The following MPHOSPH8 variants were observed in gnomAD, a reference collection of about 807,000 sequenced individuals.
The protein encoded by MPHOSPH8 is M-phase phosphoprotein, mpp.
Under a neutral mutation model 87.3 loss-of-function variants are expected in MPHOSPH8, and 45 were observed. The observed-to-expected ratio is 0.52, with a 90% confidence interval of 0.41 to 0.66. MPHOSPH8 has a LOEUF of 0.66. Among genes scored for constraint, MPHOSPH8 ranks in the 30% least tolerant of loss-of-function variants. The pLI, the probability that MPHOSPH8 is intolerant of heterozygous loss-of-function variation, is 0.00. For missense variants in MPHOSPH8, 883 were observed against 1,020.2 expected, an observed-to-expected ratio of 0.87 and a Z score of 1.83; for synonymous variants, 366 against 376.9, an observed-to-expected ratio of 0.97 and a Z score of 0.33.
chr13:19,635,316 C>T (rs757175786), intron 1 of MPHOSPH8, among the ~76,000 whole-genome samples: 24 of 152,074 alleles, frequency 1.6e-4, no homozygotes, highest in Non-Finnish European at 3.4e-4. Context: ...GTCAGGGGTT[C>T]GAGACCAGCC....
intron 4 of MPHOSPH8, among the ~76,000 whole-genome samples, chr13:19,649,048 T>G (rs1339724727): frequency 6.6e-6 from 1 of 152,220 alleles, no homozygotes; most frequent in Non-Finnish European, 1.5e-5. Flanking sequence ...GAAAGCTGTA[T>G]GTAACTGAAG....
chr13:19,651,458 C>T (rs923934105), intron 5 of MPHOSPH8, among the ~76,000 whole-genome samples: 1 of 150,596 alleles, frequency 6.6e-6, no homozygotes, highest in Non-Finnish European at 1.5e-5. Context: ...ACCTGGGAGG[C>T]GGAGGTTGCA....
chr13:19,660,370 C>CA (rs1875460360), intron 7 of MPHOSPH8, among the ~76,000 whole-genome samples: 1 of 152,092 alleles, frequency 6.6e-6, no homozygotes, highest in South Asian at 2.1e-4. Context: ...TTTAGGCAAT[C>CA]ATATCTGTTG....
rs142144561 is a variant in MPHOSPH8, at chr13:19,647,078, G to A, written c.1005G>A (p.Pro335=). ...GAGGCAGGAGGAAAAAGAAGACCCCGAGAAAGGCTGAGGACACTAGAGAGA... is the reference window on the plus strand; with the variant it reads ...GAGGCAGGAGGAAAAAGAAGACCCCAAGAAAGGCTGAGGACACTAGAGAGA... The part of the protein sequence containing the change: ...DVRGRRKKKT[P]RKAEDTRENR... The change falls in exon 3 of 14, where the codon CCG becomes CCA. Residue 335 remains proline, a synonymous_variant. Coordinates refer to ENST00000361479, the MANE Select transcript of MPHOSPH8 (RefSeq NM_017520.4). 1.7e-5 allele frequency: 27 copies of A among 1,607,722 alleles called. No homozygotes were observed. The highest frequency in any genetic ancestry group is 1.4e-4 in the Admixed American group (8 of 57,526).
chr13:19,648,560 A>G (rs1029072855), intron 4 of MPHOSPH8, 39 bp downstream of exon 4: 7 of 1,045,944 alleles, frequency 6.7e-6, no homozygotes, highest in Non-Finnish European at 9.2e-6. Context: ...TTACGTTGCT[A>G]TCTTTTATAC....
At position 19,647,334 on chromosome 13, in the gene MPHOSPH8, C is replaced by G. The variant is rs747939687; in HGVS notation, c.1218+43C>G. 2.7e-6 allele frequency: 4 copies of G among 1,478,752 alleles called. No individual in the cohort carries two copies. The Admixed American group carries it at 9.3e-5, about 34-fold the overall frequency. The allele number at this position is 1,478,752 out of a possible 1,614,324, so 91.6% of individuals were successfully genotyped here. On this transcript the variant is annotated intron_variant, in intron 3 of 13. Coordinates refer to ENST00000361479, the MANE Select transcript of MPHOSPH8 (RefSeq NM_017520.4). ...CAGCAGAAAACCCATGTTGAGTGGTCAAGACATTTCACAAGCAAGGAAAGG... is the reference window on the plus strand; with the variant it reads ...CAGCAGAAAACCCATGTTGAGTGGTGAAGACATTTCACAAGCAAGGAAAGG...
In MPHOSPH8 at chr13:19,668,429, G is replaced by C. The variant is rs1875937796; in HGVS notation, c.2227G>C (p.Ala743Pro). The part of the protein sequence containing the change: ...TIKDYFEARL[A>P]LLEPVFPIAC... ...AAAGGATTACTTTGAAGCTCGCCTT[G>C]CTCTGCTAGAACCAGTTTTTCCAAT... The change falls in exon 11 of 14, where the codon GCT (alanine) becomes CCT (proline). Residue 743 changes from alanine to proline, a missense_variant. Ala to Pro is a conservative substitution (Grantham distance 27, BLOSUM62 -1). Transcript: ENST00000361479. The C allele has an allele frequency of 6.2e-7, 1 of 1,614,070 alleles. No homozygotes were observed.
chr13:19,635,030 A>G (rs560525469), intron 1 of MPHOSPH8, among the ~76,000 whole-genome samples: 14 of 152,326 alleles, frequency 9.2e-5, no homozygotes, highest in African/African-American at 3.4e-4. Context: ...AATAGTGGAA[A>G]CTTTTCCTAT....
chr13:19,661,924 A>C, intron 8 of MPHOSPH8, 86 bp downstream of exon 8: 1 of 1,413,082 alleles, frequency 7.1e-7, no homozygotes, highest in Non-Finnish European at 9.4e-7. Context: ...AGTGAAATAT[A>C]GCAGTCACAT....
chr13:19,650,496 G>C, intron 5 of MPHOSPH8: 2 of 379,844 alleles, frequency 5.3e-6, no homozygotes, highest in Non-Finnish European at 9.2e-6. Flanking sequence ...GAAATTAAAA[G>C]ATTTCTGATT....
chr13:19,633,795 C>T lies in MPHOSPH8; in HGVS notation c.47C>T (p.Ser16Leu), dbSNP rs773464705. ...EGARVTAVPVSAADSTEELAE... is the reference protein window; with the variant it reads ...EGARVTAVPVLAADSTEELAE... ...GCAAGGGTGACCGCAGTCCCTGTGT[C>T]AGCTGCCGACAGCACTGAGGAGTTG... Residue 16 changes from serine to leucine, a missense_variant, in exon 1 of 14, where the codon TCA (serine) becomes TTA (leucine). Physicochemically the swap from Ser to Leu is moderately radical, Grantham distance 145. Around this residue, in one of 3 missense-constraint regions of MPHOSPH8, gnomAD observed 103 missense variants for 96.3 expected, o/e 1.07. Transcript: ENST00000361479. 1 of 1,608,026 alleles carries T rather than the reference C, an allele frequency of 6.2e-7. No homozygotes were observed. The highest frequency in any genetic ancestry group is 1.1e-5 in the South Asian group (1 of 89,588).
chr13:19,642,921 G>A (rs1208961338), intron 2 of MPHOSPH8, among the ~76,000 whole-genome samples: 1 of 152,176 alleles, frequency 6.6e-6, no homozygotes, highest in Non-Finnish European at 1.5e-5. Flanking sequence ...TATTGAGCAT[G>A]TGTGTATACT....
chr13:19,648,433 C>T lies in MPHOSPH8; in HGVS notation c.1230C>T (p.Thr410=). ...STDSAEEDKE[T]KRNESKEKYQ... ...CATGTCATTTTCAGGACAAAGAAAC[C>T]AAAAGAAATGAATCCAAAGAAAAAT... is the stretch of plus-strand genomic sequence containing the variant. The change falls in exon 4 of 14, where the codon ACC becomes ACT. Residue 410 remains threonine (T), a synonymous_variant. Transcript: ENST00000361479. 1 of 1,582,298 alleles carries T rather than the reference C, an allele frequency of 6.3e-7. No homozygotes were observed. The highest frequency in any genetic ancestry group is 8.6e-7 in the Non-Finnish European group (1 of 1,164,276).
chr13:19,668,386 A>G lies in MPHOSPH8; in HGVS notation c.2184A>G (p.Arg728=). 1 of 1,612,384 alleles carries G rather than the reference A, an allele frequency of 6.2e-7. No individual in the cohort carries two copies. Among genetic ancestry groups the G allele is most frequent in the South Asian group, 1.1e-5 (1 of 90,634 alleles). ...TATTTTTTTTTCTTAGACTTTCAAG[A>G]GTAGCAGAAGAGACAATAAAGGATT... ...LLKNHLETLS[R]VAEETIKDYF... is the part of the protein sequence containing the mutation. Residue 728 remains arginine (R), a synonymous_variant, in exon 11 of 14, where the codon AGA becomes AGG. Transcript: ENST00000361479.
In MPHOSPH8 at chr13:19,671,249, A is replaced by G. The variant is rs1323817768; in HGVS notation, c.2501A>G (p.Asn834Ser). Residue 834 changes from asparagine (N) to serine (S), a missense_variant, in exon 13 of 14, where the codon AAT (asparagine) becomes AGT (serine). By Grantham distance (46) the Asn-to-Ser change is conservative. Transcript: ENST00000361479. ...VYSFSPVAGP[N>S]KLFIRLTEAP... Reference sequence around the variant, plus strand: ...TCATTCAGCCCTGTTGCAGGTCCCAATAAACTCTTCATAAGGTTGACAGAA... The same window carrying G: ...TCATTCAGCCCTGTTGCAGGTCCCAGTAAACTCTTCATAAGGTTGACAGAA... The G allele has an allele frequency of 1.9e-6, 3 of 1,614,102 alleles. No individual in the cohort carries two copies. The highest frequency in any genetic ancestry group is 2.5e-6 in the Non-Finnish European group (3 of 1,180,010).
rs973042448 is a variant in MPHOSPH8, at chr13:19,650,116, A to G, written c.1432A>G (p.Ile478Val). 3.7e-6 allele frequency: 6 copies of G among 1,614,062 alleles called. No individual in the cohort carries two copies. The African/African-American group carries it at 4.0e-5, about 11-fold the overall frequency. ...REEIPLDFKTIDDHKTKENKQ... is the reference protein window; with the variant it reads ...REEIPLDFKTVDDHKTKENKQ... ...AGAAATACCACTGGATTTTAAAACC[A>G]TAGACGATCACAAAACCAAGGAAAA... Residue 478 changes from isoleucine (I) to valine (V), a missense_variant, in exon 5 of 14, where the codon ATA (isoleucine) becomes GTA (valine). Around this residue, in one of 3 missense-constraint regions of MPHOSPH8, gnomAD observed 741 missense variants for 841.5 expected, o/e 0.88. Transcript: ENST00000361479.
At chr13:19,665,773 A>G (rs9508811) in intron 9 of MPHOSPH8, among the ~76,000 whole-genome samples, 103,734 of 152,146 alleles carry the variant, frequency 0.68, 38,264 homozygotes, top group East Asian at 0.89. Context: ...GCAAATGGAA[A>G]CGTGCCACTC....
At chr13:19,658,875 T>C in intron 5 of MPHOSPH8, 120 bp from the exon 6 acceptor site, 1 of 1,242,266 alleles carries the variant, frequency 8.0e-7, no homozygotes, top group African/African-American at 1.5e-5. Context: ...CATTATACAA[T>C]GACTTGTGTT....
At chr13:19,670,767 AGATT>A (rs978702738) in intron 12 of MPHOSPH8, 46 of 1,200,606 alleles carry the variant, frequency 3.8e-5, no homozygotes, top group African/African-American at 2.9e-4. Context: ...CCAGTTTCCC[AGATT>A]GATTCTGTCA....
Sources: allele counts gnomAD v4.1 joint callset (sites outside exome capture counted in the v4.1 genomes callset), GRCh38; gene constraint gnomAD v4.1.1; regional missense constraint gnomAD v4.1.1; transcripts MANE v1.5; gene names NCBI Gene and HGNC (gene_info 2026-07-23, HGNC 2026-07-21).